The following SMYD3 variants were observed in gnomAD, a reference collection of about 807,000 sequenced individuals.
SMYD3 encodes histone-lysine N-methyltransferase SMYD3.
In SMYD3, 36 loss-of-function variants were observed where a neutral mutation model predicts 57.7. The ratio of observed to expected loss-of-function variants is 0.62; its 90% CI spans 0.48 to 0.82. The LOEUF (loss-of-function observed/expected upper bound fraction) is 0.82. Among genes scored for constraint, SMYD3 ranks in the 40% least tolerant of loss-of-function variants. The probability of loss-of-function intolerance (pLI) is 0.00; values close to 1 mark genes in which losing one functional copy is unlikely to be tolerated. For synonymous variants in SMYD3, 211 were observed against 195.0 expected (o/e 1.08, Z -0.68); for missense variants, 515 against 538.8 (o/e 0.96, Z 0.44).
intron 8 of SMYD3, among the ~76,000 whole-genome samples, chr1:245,882,316 C>A (rs2052826578): frequency 6.6e-6 from 1 of 152,148 alleles, no homozygotes; most frequent in African/African-American, 2.4e-5. Context: ...CTGTGGTTGC[C>A]ACCAACAGCA....
chr1:246,237,664 G>C (rs908935830), intron 5 of SMYD3, among the ~76,000 whole-genome samples: 7 of 152,162 alleles, frequency 4.6e-5, no homozygotes, highest in African/African-American at 1.7e-4. Flanking sequence ...CCTCTAGTAT[G>C]CACAGAACTT....
intron 1 of SMYD3, among the ~76,000 whole-genome samples, chr1:246,430,493 G>A (rs1214553268): frequency 6.6e-6 from 1 of 152,220 alleles, no homozygotes; most frequent in African/African-American, 2.4e-5. Context: ...ATATAGTTTG[G>A]AGCCAGCACA....
intron 10 of SMYD3, among the ~76,000 whole-genome samples, chr1:245,800,131 G>GT (rs2047783578): frequency 1.3e-5 from 2 of 152,114 alleles, no homozygotes; most frequent in African/African-American, 4.8e-5. Flanking sequence ...CACCCTAGCT[G>GT]TTGTGCAGGT....
At chr1:245,846,040 G>A (rs1347253054) in intron 10 of SMYD3, among the ~76,000 whole-genome samples, 1 of 152,196 alleles carries the variant, frequency 6.6e-6, no homozygotes, top group East Asian at 1.9e-4. Context: ...TAAATCTGGA[G>A]CTGGAGGGAA....
chr1:246,146,820 G>C (rs539908157), intron 5 of SMYD3, among the ~76,000 whole-genome samples: 2 of 152,160 alleles, frequency 1.3e-5, no homozygotes, highest in Non-Finnish European at 2.9e-5. Context: ...TGGCAGAAGA[G>C]AAGAAAGAAA....
chr1:246,147,834 G>A (rs12723468), intron 5 of SMYD3, among the ~76,000 whole-genome samples: 75,869 of 151,840 alleles, frequency 0.5, 23,001 homozygotes, highest in Non-Finnish European at 0.69. Flanking sequence ...CCTTTACTGA[G>A]TTGGTGGAGC....
At chr1:246,461,316 A>G (rs1395449831) in intron 1 of SMYD3, among the ~76,000 whole-genome samples, 1 of 152,218 alleles carries the variant, frequency 6.6e-6, no homozygotes, top group African/African-American at 2.4e-5. Context: ...AATATTTCCT[A>G]AATACCTAGT....
intron 10 of SMYD3, among the ~76,000 whole-genome samples, chr1:245,779,667 A>G (rs1008729729): frequency 6.6e-6 from 1 of 151,986 alleles, no homozygotes; most frequent in African/African-American, 2.4e-5. Context: ...TTATCAACTT[A>G]TCAACTTGTA....
intron 1 of SMYD3, among the ~76,000 whole-genome samples, chr1:246,478,003 A>G (rs1035353552): frequency 4.6e-5 from 7 of 152,258 alleles, no homozygotes; most frequent in African/African-American, 1.7e-4. Context: ...ATACATATGT[A>G]GATAAGGGCA....
intron 5 of SMYD3, chr1:246,109,745 T>C (rs868434060): frequency 1.3e-5 from 2 of 152,210 alleles, no homozygotes; most frequent in Admixed American, 6.5e-5. Flanking sequence ...TCCAGGTTTG[T>C]TTGTTTTACT....
chr1:245,771,603 G>C (rs1199092677), intron 10 of SMYD3, among the ~76,000 whole-genome samples: 1 of 152,142 alleles, frequency 6.6e-6, no homozygotes, highest in East Asian at 1.9e-4. Flanking sequence ...GGGAGCAACA[G>C]CCCACAGTGA....
intron 5 of SMYD3, among the ~76,000 whole-genome samples, chr1:245,939,024 T>C (rs979843144): frequency 6.6e-5 from 10 of 151,980 alleles, no homozygotes; most frequent in Non-Finnish European, 4.4e-5. Flanking sequence ...CCTGAGGCTA[T>C]ATTCCCAGCT....
chr1:245,760,368 C>T (rs2045793882), intron 11 of SMYD3, among the ~76,000 whole-genome samples: 1 of 152,122 alleles, frequency 6.6e-6, no homozygotes, highest in Non-Finnish European at 1.5e-5. Flanking sequence ...TTTCCCTCTC[C>T]AGGTTACCCG....
chr1:246,037,967 C>G (rs2059805533), intron 5 of SMYD3, among the ~76,000 whole-genome samples: 1 of 152,160 alleles, frequency 6.6e-6, no homozygotes, highest in Non-Finnish European at 1.5e-5. Context: ...TGCAGCTATT[C>G]AATTCTGCCA....
chr1:245,958,338 A>G (rs960622047), intron 5 of SMYD3, among the ~76,000 whole-genome samples: 1 of 152,190 alleles, frequency 6.6e-6, no homozygotes, highest in African/African-American at 2.4e-5. Context: ...GCCCTTCACA[A>G]TCTGGCCTCT....
At chr1:246,240,837 T>C (rs1158063278) in intron 5 of SMYD3, among the ~76,000 whole-genome samples, 1 of 152,120 alleles carries the variant, frequency 6.6e-6, no homozygotes, top group East Asian at 1.9e-4. Flanking sequence ...CTAGGTATTT[T>C]ATTCTCTTTG....
At chr1:246,428,272 G>A (rs944518707) in intron 1 of SMYD3, among the ~76,000 whole-genome samples, 1 of 152,172 alleles carries the variant, frequency 6.6e-6, no homozygotes, top group Admixed American at 6.5e-5. Flanking sequence ...AGTCAAACTA[G>A]TTACTTAATA....
At chr1:245,942,025 C>G (rs1165789263) in intron 5 of SMYD3, among the ~76,000 whole-genome samples, 1 of 152,196 alleles carries the variant, frequency 6.6e-6, no homozygotes. Flanking sequence ...TACAGAAACA[C>G]ACTGAAGTAC....
At chr1:246,232,789 AC>A (rs2063435508) in intron 5 of SMYD3, among the ~76,000 whole-genome samples, 1 of 134,926 alleles carries the variant, frequency 7.4e-6, no homozygotes, top group Non-Finnish European at 1.6e-5. Flanking sequence ...ATGAATATAT[AC>A]CACACAGAGA....
Sources: gnomAD v4.1 joint callset for allele counts (sites outside exome capture counted in the v4.1 genomes callset) on GRCh38, gnomAD v4.1.1 for gene constraint, MANE v1.5 for transcripts, NCBI Gene and HGNC (gene_info 2026-07-23, HGNC 2026-07-21) for gene names.